Variants in IL22RA2 observed in about 807,000 individuals in gnomAD.
IL22RA2 encodes interleukin 22 receptor subunit alpha 2.
A neutral mutation model predicts 30.7 loss-of-function variants in IL22RA2; 39 were observed. The ratio of observed to expected loss-of-function variants is 1.27; its 90% CI spans 0.98 to 1.66. The LOEUF is 1.66. Ranked by LOEUF, IL22RA2 falls within the 40% of genes most tolerant of loss-of-function variation. The pLI, the probability that IL22RA2 is intolerant of heterozygous loss-of-function variation, is 0.00. For synonymous variants in IL22RA2, 103 were observed against 105.0 expected, an observed-to-expected ratio of 0.98 and a Z score of 0.11; for missense variants, 315 against 312.7, an observed-to-expected ratio of 1.01 and a Z score of -0.05.
At chr6:137,166,991 A>T (rs893190366) in intron 1 of IL22RA2, among the ~76,000 whole-genome samples, 6 of 152,230 alleles carry the variant, frequency 3.9e-5, no homozygotes, top group Non-Finnish European at 8.8e-5. Context: ...CTACCGGTGC[A>T]TGCTAGTGTT....
chr6:137,158,583 T>C (rs1021055518), intron 2 of IL22RA2, 101 bp from the exon 3 acceptor site: 3 of 1,260,236 alleles, frequency 2.4e-6, no homozygotes, highest in East Asian at 2.3e-5. Context: ...TTCCCTAAAG[T>C]AGTTGCTCTA....
chr6:137,164,728 C>T (rs771123820), intron 1 of IL22RA2, among the ~76,000 whole-genome samples: 10 of 152,184 alleles, frequency 6.6e-5, no homozygotes, highest in Non-Finnish European at 1.2e-4. Context: ...CGCCTTAGGT[C>T]GGTCCGTGCC....
At position 137,147,837 on chromosome 6, in the gene IL22RA2, A is replaced by G; in HGVS notation, c.527T>C (p.Val176Ala). The stretch of plus-strand genomic sequence containing the variant: ...TGGTAAATTTGGAGCATGGAGAATT[A>G]CCAACAAAGAGCCATTGACTTGGGT... The part of the protein sequence containing the change: ...NITQVNGSLL[V>A]ILHAPNLPYR... The change falls in exon 6 of 7, where the codon GTA becomes GCA. Residue 176 changes from valine to alanine, a missense_variant. Val to Ala is a moderately conservative substitution (Grantham distance 64). Coordinates refer to ENST00000296980, the MANE Select transcript of IL22RA2 (RefSeq NM_052962.3). 5 of 1,613,600 alleles carry G rather than the reference A, an allele frequency of 3.1e-6. No homozygotes were observed. Among genetic ancestry groups the G allele is most frequent in the South Asian group, 1.1e-5 (1 of 91,046 alleles).
intron 5 of IL22RA2, among the ~76,000 whole-genome samples, chr6:137,152,184 G>A (rs1237537428): frequency 6.6e-6 from 1 of 151,858 alleles, no homozygotes; most frequent in East Asian, 1.9e-4. Flanking sequence ...CTGCGCTCCA[G>A]CCCAGGTGAC....
At chr6:137,168,776 TC>T (rs1259535958) in intron 1 of IL22RA2, among the ~76,000 whole-genome samples, 4 of 152,164 alleles carry the variant, frequency 2.6e-5, no homozygotes, top group African/African-American at 9.7e-5. Flanking sequence ...TAACCTTTGA[TC>T]AGGCAGGAGC....
At chr6:137,158,261 AG>A in intron 3 of IL22RA2, 85 bp downstream of exon 3, 8 of 1,514,962 alleles carry the variant, frequency 5.3e-6, no homozygotes, top group Non-Finnish European at 7.2e-6. Context: ...ACTGAAAAAA[AG>A]CTCGGATCCT....
intron 5 of IL22RA2, among the ~76,000 whole-genome samples, chr6:137,154,699 C>A (rs2114365064): frequency 6.6e-6 from 1 of 152,198 alleles, no homozygotes. Context: ...CAAATTTGAA[C>A]CCTGACTTGG....
rs1336948222 is a variant in IL22RA2, at chr6:137,155,107, T to G, written c.306A>C (p.Arg102Ser). ...AACAGTCTTCTTTATTTTTCCATTG[T>G]CTCTGTCCATATCTGTAGCAGGGAA... ...GCRTLAKYGQ[R>S]QWKNKEDCWG... The change falls in exon 5 of 7, where the codon AGA (arginine) becomes AGC (serine). Residue 102 changes from arginine to serine, a missense_variant. Transcript: ENST00000296980. The G allele has an allele frequency of 8.2e-6, 13 of 1,585,928 alleles. No individual in the cohort carries two copies. Among genetic ancestry groups the G allele is most frequent in the Non-Finnish European group, 1.1e-5 (13 of 1,165,384 alleles).
chr6:137,149,717 A>G (rs1778250234), intron 5 of IL22RA2, among the ~76,000 whole-genome samples: 1 of 152,206 alleles, frequency 6.6e-6, no homozygotes, highest in Non-Finnish European at 1.5e-5. Context: ...AAATAAAATT[A>G]TGTTTTTCTG....
chr6:137,171,933 T>TAA (rs1452923158), intron 1 of IL22RA2, among the ~76,000 whole-genome samples: 7 of 152,324 alleles, frequency 4.6e-5, no homozygotes, highest in South Asian at 2.1e-4. Context: ...TTTTTGGTGC[T>TAA]TATAAGGTAG....
At chr6:137,148,210 C>T (rs1562267821) in intron 5 of IL22RA2, among the ~76,000 whole-genome samples, 3 of 151,990 alleles carry the variant, frequency 2.0e-5, no homozygotes. Context: ...AAGGGCTTTT[C>T]TTAATCTGAC....
At chr6:137,146,600 G>C (rs1778184636) in intron 6 of IL22RA2, among the ~76,000 whole-genome samples, 1 of 152,090 alleles carries the variant, frequency 6.6e-6, no homozygotes, top group Non-Finnish European at 1.5e-5. Flanking sequence ...TGTGGTTTCT[G>C]CTCCTTACGA....
chr6:137,155,737 G>A (rs187005098), intron 4 of IL22RA2, among the ~76,000 whole-genome samples: 1 of 152,078 alleles, frequency 6.6e-6, no homozygotes. Context: ...AGAAACCACA[G>A]CATTACCTAA....
rs548699649 is a variant in IL22RA2, at chr6:137,158,351, T to G, written c.193A>C (p.Lys65Gln). 2.2e-5 allele frequency: 35 copies of G among 1,614,162 alleles called. No homozygotes were observed. Among genetic ancestry groups the G allele is most frequent in the Admixed American group, 1.0e-4 (6 of 60,018 alleles). ...GNSSVYFVQY[K>Q]IMFSCSMKSS... ...AAGGAGGCTCAATTTACTTACATTT[T>G]GTACTGCACAAAATAGACACTGCTG... The change falls in exon 3 of 7, where the codon AAA (lysine) becomes CAA (glutamine). Residue 65 changes from lysine to glutamine, a missense_variant. Transcript: ENST00000296980.
chr6:137,163,299 G>A (rs538794692), intron 1 of IL22RA2, among the ~76,000 whole-genome samples: 2 of 152,314 alleles, frequency 1.3e-5, no homozygotes, highest in East Asian at 3.9e-4. Flanking sequence ...ATGTGCTACT[G>A]ATCACCTTAA....
In IL22RA2 at chr6:137,157,543, G is replaced by A. The variant is rs542341204; in HGVS notation, c.198-689C>T. On this transcript the variant is annotated intron_variant, in intron 3 of 6. Transcript: ENST00000296980. ...TACCCCATGCTGGAGAGACATGGAT[G>A]AATTTATGGGATAAAAATTGCTACT... Among the ~76,000 whole-genome samples, 281 of 152,262 alleles carry A rather than the reference G, an allele frequency of 1.8e-3. 3 individuals are homozygous for A. The highest frequency in any genetic ancestry group is 0.014 in the Middle Eastern group (4 of 294).
chr6:137,172,317 T>A (rs1039345297), intron 1 of IL22RA2, among the ~76,000 whole-genome samples: 1 of 152,166 alleles, frequency 6.6e-6, no homozygotes, highest in Non-Finnish European at 1.5e-5. Context: ...AAGCAAAACA[T>A]ATTTAAGAAC....
chr6:137,170,361 T>C (rs1778708360), intron 1 of IL22RA2, among the ~76,000 whole-genome samples: 1 of 152,148 alleles, frequency 6.6e-6, no homozygotes, highest in Non-Finnish European at 1.5e-5. Flanking sequence ...TACATTCACG[T>C]TAAAAGGGAA....
At chr6:137,146,449 A>G (rs1420080574) in intron 6 of IL22RA2, among the ~76,000 whole-genome samples, 1 of 152,146 alleles carries the variant, frequency 6.6e-6, no homozygotes, top group East Asian at 1.9e-4. Context: ...ACAGAGCAGG[A>G]TCCCTTAGAA....
Sources: gnomAD v4.1 joint callset for allele counts (sites outside exome capture counted in the v4.1 genomes callset) on GRCh38, gnomAD v4.1.1 for gene constraint, MANE v1.5 for transcripts, NCBI Gene and HGNC (gene_info 2026-07-23, HGNC 2026-07-21) for gene names.